S100A10: variants seen among roughly 807,000 people sequenced by gnomAD.
S100A10 encodes the protein S100 calcium binding protein A10, also known as protein S100-A10.
S100A10 carries 3 observed loss-of-function variants against 7.1 expected under a neutral mutation model. The ratio of observed to expected loss-of-function variants is 0.42; its 90% confidence interval spans 0.19 to 1.10. The LOEUF (loss-of-function observed/expected upper bound fraction) is 1.10, where lower values mean the gene tolerates loss of function less well. Among genes scored for constraint, S100A10 ranks in the 50% least tolerant of loss-of-function variants. The probability of loss-of-function intolerance (pLI) is 0.29; values close to 1 mark genes in which losing one functional copy is unlikely to be tolerated. For synonymous variants in S100A10, 41 were observed against 39.3 expected, an observed-to-expected ratio of 1.04 and a Z score of -0.16; for missense variants, 101 against 118.1, an observed-to-expected ratio of 0.86 and a Z score of 0.67.
chr1:151,987,191 A>G (rs1655811024), intron 1 of S100A10, among the ~76,000 whole-genome samples: 1 of 151,806 alleles, frequency 6.6e-6, no homozygotes, highest in Non-Finnish European at 1.5e-5. Context: ...TTTTTAGTAG[A>G]GGCGGAGTTT....
intron 1 of S100A10, among the ~76,000 whole-genome samples, chr1:151,992,778 G>C (rs1405259739): frequency 6.6e-6 from 1 of 152,194 alleles, no homozygotes; most frequent in Non-Finnish European, 1.5e-5. Context: ...ATCTGGCTTA[G>C]GGCTCCCCTG....
At chr1:151,988,043 G>A (rs1372091139) in intron 1 of S100A10, among the ~76,000 whole-genome samples, 1 of 152,208 alleles carries the variant, frequency 6.6e-6, no homozygotes, top group Non-Finnish European at 1.5e-5. Context: ...TGCTCTCACA[G>A]TCTGGGGTAC....
chr1:151,993,140 G>A lies in S100A10; in HGVS notation c.-22+612C>T, dbSNP rs1225813957. ...AACCCCAGCCAAACTGCTGTAGAAA[G>A]AAAACAAGTGGACCTCCCTCCCTCA... On this transcript the variant is annotated intron_variant, in intron 1 of 2. Transcript: ENST00000368811. The surrounding 1 kb of genome is among the most constrained non-coding windows in gnomAD (Gnocchi z 5.1). Among the ~76,000 whole-genome samples the A allele has an allele frequency of 6.6e-6, 1 of 152,192 alleles. No individual in the cohort carries two copies. The highest frequency in any genetic ancestry group is 1.5e-5 in the Non-Finnish European group (1 of 68,028).
At chr1:151,986,360 G>A in intron 1 of S100A10, 109 bp from the exon 2 acceptor site, 1 of 774,770 alleles carries the variant, frequency 1.3e-6, no homozygotes, top group East Asian at 2.9e-5. Flanking sequence ...TATTTAATGT[G>A]TACAACATGA....
intron 1 of S100A10, among the ~76,000 whole-genome samples, chr1:151,991,804 G>C (rs1216466618): frequency 6.6e-6 from 1 of 152,180 alleles, no homozygotes; most frequent in Non-Finnish European, 1.5e-5. Flanking sequence ...TTTTTGAACT[G>C]TCAGTAGAAA....
intron 1 of S100A10, among the ~76,000 whole-genome samples, chr1:151,987,128 C>G (rs911626220): frequency 6.8e-6 from 1 of 147,608 alleles, no homozygotes; most frequent in East Asian, 2.1e-4. Context: ...CCTCCGCCTC[C>G]CAGGTAGCTG....
At chr1:151,987,149 C>T (rs903140827) in intron 1 of S100A10, among the ~76,000 whole-genome samples, 5 of 143,418 alleles carry the variant, frequency 3.5e-5, no homozygotes, top group Non-Finnish European at 7.5e-5. Context: ...GGATTACAGG[C>T]GTCCGCCACC....
At position 151,986,266 on chromosome 1, in the gene S100A10, A is replaced by ATC. The variant is rs1655789147; in HGVS notation, c.-21-16_-21-15insGA. Reference sequence around the variant, plus strand: ...TCCGTTGAAGCCTATTAAAGGATGTAAAGTAACAGGGTCTACATTAACTTT... The same window carrying ATC: ...TCCGTTGAAGCCTATTAAAGGATGTATCAAGTAACAGGGTCTACATTAACTTT... On this transcript the variant is annotated splice_polypyrimidine_tract_variant and intron_variant, in intron 1 of 2. Transcript: ENST00000368811. 1 of 1,560,180 alleles carries ATC rather than the reference A, an allele frequency of 6.4e-7. No homozygotes were observed. The highest frequency in any genetic ancestry group is 1.4e-5 in the African/African-American group (1 of 71,918).
Position 151,983,084 on chromosome 1 carries a change from G to T in S100A10, c.*79C>A. On this transcript the variant is annotated 3_prime_UTR_variant, in exon 3 of 3. Transcript: ENST00000368811. ...GATCTGCTCATGAAATCCTTCTATG[G>T]GGGAAGCTGTGGGGCAGATTCCTTA... 1.0e-6 allele frequency: 1 copy of T among 977,704 alleles called. No homozygotes were observed. Among genetic ancestry groups the T allele is most frequent in the Admixed American group, 2.8e-5 (1 of 36,152 alleles). 60.6% of individuals were successfully genotyped at this position (977,704 alleles called of 1,614,324 possible).
rs941858376 is a variant in S100A10 at position 151,993,392 on chromosome 1, T to A, written c.-22+360A>T. 1.3e-5 allele frequency among the ~76,000 whole-genome samples: 2 copies of A among 151,764 alleles called. No homozygotes were observed. Among genetic ancestry groups the A allele is most frequent in the African/African-American group, 4.8e-5 (2 of 41,294 alleles). ...CAGGGCAGGGGCGTGTAGGAGGGAT[T>A]CGGTAACCCGAGAGACGAGTGGGAA... On this transcript the variant is annotated intron_variant, in intron 1 of 2. Transcript: ENST00000368811. The surrounding 1 kb of genome is among the most constrained non-coding windows in gnomAD (Gnocchi z 5.1).
chr1:151,987,465 A>C (rs1251823772), intron 1 of S100A10, among the ~76,000 whole-genome samples: 1 of 152,064 alleles, frequency 6.6e-6, no homozygotes, highest in Non-Finnish European at 1.5e-5. Context: ...TAAAGTGGTA[A>C]CTTGGTTCAG....
Position 151,983,010 on chromosome 1 carries a change from G to A in S100A10, c.*153C>T. 1 of 500,932 alleles carries A rather than the reference G, an allele frequency of 2.0e-6. No individual in the cohort carries two copies. The highest frequency in any genetic ancestry group is 3.4e-6 in the Non-Finnish European group (1 of 293,372). The allele number at this position is 500,932 out of a possible 1,614,324, so 31.0% of individuals were successfully genotyped here. A position where few individuals can be genotyped will look rare whatever the true frequency, so the allele number is the denominator to read the frequency against. On this transcript the variant is annotated 3_prime_UTR_variant, in exon 3 of 3. Coordinates refer to ENST00000368811, the MANE Select transcript of S100A10 (RefSeq NM_002966.3). ...TCTGGTATTTAACTTTTCTTTCTCT[G>A]CTTGTCAAATGAGAGTTAGATTTTA...
At chr1:151,989,461 G>T (rs1036755096) in intron 1 of S100A10, among the ~76,000 whole-genome samples, 3 of 152,188 alleles carry the variant, frequency 2.0e-5, no homozygotes, top group Non-Finnish European at 2.9e-5. Context: ...AAATAGCATT[G>T]AAAATCAGTG....
At chr1:151,983,381 T>TCAGG in intron 2 of S100A10, 57 bp from the exon 3 acceptor site, 1 of 1,217,164 alleles carries the variant, frequency 8.2e-7, no homozygotes, top group Non-Finnish European at 1.1e-6. Flanking sequence ...AATGAGGAGC[T>TCAGG]TATTTGATTT....
At chr1:151,987,027 CTTTT>C (rs386368314) in intron 1 of S100A10, among the ~76,000 whole-genome samples, 20 of 83,548 alleles carry the variant, frequency 2.4e-4, no homozygotes, top group Admixed American at 5.4e-4. Context: ...CAGTGTTCCT[CTTTT>C]TTTTTTTTTT....
At chr1:151,987,633 G>A (rs934619501) in intron 1 of S100A10, among the ~76,000 whole-genome samples, 5 of 146,286 alleles carry the variant, frequency 3.4e-5, no homozygotes, top group Non-Finnish European at 7.4e-5. Context: ...TCCGCTTCCT[G>A]GATTCACGGC....
At chr1:151,989,667 G>C (rs1255129885) in intron 1 of S100A10, among the ~76,000 whole-genome samples, 1 of 152,228 alleles carries the variant, frequency 6.6e-6, no homozygotes, top group South Asian at 2.1e-4. Context: ...TGCAGCCAAT[G>C]GTTGCCCAAC....
chr1:151,986,898 T>C (rs1289259573), intron 1 of S100A10, among the ~76,000 whole-genome samples: 2 of 152,292 alleles, frequency 1.3e-5, no homozygotes, highest in South Asian at 2.1e-4. Flanking sequence ...GGGTCCCTTG[T>C]TGGTAGAAAT....
intron 1 of S100A10, 76 bp from the exon 2 acceptor site, chr1:151,986,327 A>T: frequency 9.8e-7 from 1 of 1,020,122 alleles, no homozygotes; most frequent in Non-Finnish European, 1.4e-6. Context: ...TATTTTTTTT[A>T]AATTGAAAGA....
Sources: allele counts gnomAD v4.1 joint callset (sites outside exome capture counted in the v4.1 genomes callset), GRCh38; gene constraint gnomAD v4.1.1; non-coding constraint Gnocchi (gnomAD v3.1); transcripts MANE v1.5; gene names NCBI Gene and HGNC (gene_info 2026-07-23, HGNC 2026-07-21).